Variants in ZNF704 observed in about 807,000 individuals in gnomAD.
ZNF704 encodes the protein zinc finger protein 704.
In ZNF704, 10 loss-of-function variants were observed where a neutral mutation model predicts 44.7. The observed-to-expected ratio is 0.22, with a 90% CI of 0.14 to 0.38. The LOEUF is 0.38. ZNF704 is among the 10% of genes least tolerant of loss of function. The pLI is 1.00. For missense variants in ZNF704, 390 were observed against 545.5 expected (o/e 0.71, Z 2.84); for synonymous variants, 211 against 207.6 (o/e 1.02, Z -0.14).
chr8:80,818,024 CAGG>C (rs1808204832), intron 2 of ZNF704, among the ~76,000 whole-genome samples: 1 of 152,106 alleles, frequency 6.6e-6, no homozygotes, highest in African/African-American at 2.4e-5. Flanking sequence ...TGAATGGAGG[CAGG>C]AGATCTGAAA....
At chr8:80,755,831 T>G (rs1018812461) in intron 2 of ZNF704, among the ~76,000 whole-genome samples, 2 of 151,962 alleles carry the variant, frequency 1.3e-5, no homozygotes, top group Non-Finnish European at 2.9e-5. Flanking sequence ...GAAGGCCAGC[T>G]GCAGTGGCTC....
At chr8:80,762,489 A>C (rs1452969206) in intron 2 of ZNF704, among the ~76,000 whole-genome samples, 3 of 152,166 alleles carry the variant, frequency 2.0e-5, no homozygotes, top group Non-Finnish European at 2.9e-5. Context: ...ATCAGATCTC[A>C]TGAGAACCCA....
At chr8:80,763,065 A>G (rs1408536514) in intron 2 of ZNF704, among the ~76,000 whole-genome samples, 1 of 152,226 alleles carries the variant, frequency 6.6e-6, no homozygotes, top group African/African-American at 2.4e-5. Context: ...GTGGCTTTGC[A>G]GGGTACAACC....
chr8:80,752,377 T>A (rs1433923962), intron 2 of ZNF704, among the ~76,000 whole-genome samples: 1 of 151,760 alleles, frequency 6.6e-6, no homozygotes, highest in African/African-American at 2.4e-5. Context: ...ACCAATACAA[T>A]GATCAAACCA....
At chr8:80,645,895 C>G (rs907920950) in intron 7 of ZNF704, among the ~76,000 whole-genome samples, 2 of 152,048 alleles carry the variant, frequency 1.3e-5, no homozygotes, top group Non-Finnish European at 2.9e-5. Context: ...TATGTTGAAA[C>G]TTACTTGCCA....
intron 2 of ZNF704, among the ~76,000 whole-genome samples, chr8:80,818,313 G>A (rs1563564186): frequency 6.6e-6 from 1 of 151,686 alleles, no homozygotes; most frequent in Non-Finnish European, 1.5e-5. Flanking sequence ...CCTGCTTTTT[G>A]GCCAAAATAT....
intron 7 of ZNF704, among the ~76,000 whole-genome samples, chr8:80,651,103 G>A (rs1817910833): frequency 6.6e-6 from 1 of 152,208 alleles, no homozygotes; most frequent in African/African-American, 2.4e-5. Flanking sequence ...ATACTTTACA[G>A]ACAAGCAAAT....
chr8:80,717,371 G>T (rs532706827), intron 2 of ZNF704, among the ~76,000 whole-genome samples: 1 of 152,340 alleles, frequency 6.6e-6, no homozygotes, highest in East Asian at 1.9e-4. Context: ...CATTCCTGAA[G>T]CTTATATTTT....
At chr8:80,661,419 T>C (rs1055331716) in intron 6 of ZNF704, among the ~76,000 whole-genome samples, 1 of 152,178 alleles carries the variant, frequency 6.6e-6, no homozygotes, top group Admixed American at 6.5e-5. Context: ...AACTACCATA[T>C]AATCCAGCAA....
chr8:80,809,420 G>C (rs1397490480), intron 2 of ZNF704, among the ~76,000 whole-genome samples: 1 of 152,168 alleles, frequency 6.6e-6, no homozygotes, highest in African/African-American at 2.4e-5. Flanking sequence ...TTAGAAAAGG[G>C]CAGCAACGTT....
At chr8:80,727,807 C>T (rs540108415) in intron 2 of ZNF704, among the ~76,000 whole-genome samples, 4 of 152,234 alleles carry the variant, frequency 2.6e-5, no homozygotes, top group South Asian at 2.1e-4. Context: ...AAATTAGCAT[C>T]GGTATTTCTA....
chr8:80,837,984 C>T (rs1248635216), intron 1 of ZNF704, among the ~76,000 whole-genome samples: 2 of 152,176 alleles, frequency 1.3e-5, no homozygotes, highest in African/African-American at 2.4e-5. Context: ...CTAAACCTAT[C>T]ATACATCAAC....
At chr8:80,849,327 G>A (rs1808819716) in intron 1 of ZNF704, among the ~76,000 whole-genome samples, 2 of 152,160 alleles carry the variant, frequency 1.3e-5, no homozygotes, top group African/African-American at 2.4e-5. Flanking sequence ...GTGGTAGGTT[G>A]ACCACCAAGG....
At chr8:80,835,616 T>G (rs1163175723) in intron 1 of ZNF704, among the ~76,000 whole-genome samples, 1 of 152,206 alleles carries the variant, frequency 6.6e-6, no homozygotes, top group East Asian at 1.9e-4. Context: ...CATGTGGAGA[T>G]ATTTAATCTT....
intron 3 of ZNF704, among the ~76,000 whole-genome samples, chr8:80,692,395 T>G (rs1249027259): frequency 6.6e-6 from 1 of 152,248 alleles, no homozygotes; most frequent in African/African-American, 2.4e-5. Context: ...ATTTGTTTAC[T>G]GACACATAGT....
the ZNF704 span, among the ~76,000 whole-genome samples, chr8:80,883,743 T>C: frequency 6.6e-6 from 1 of 152,254 alleles, no homozygotes; most frequent in Non-Finnish European, 1.5e-5. Flanking sequence ...TCTATCTACC[T>C]AATTTTAAAA....
chr8:80,655,337 A>G (rs1349362694), intron 7 of ZNF704, among the ~76,000 whole-genome samples: 1 of 152,202 alleles, frequency 6.6e-6, no homozygotes, highest in Non-Finnish European at 1.5e-5. Flanking sequence ...AATTTAAAAA[A>G]AAGAACAAAA....
intron 2 of ZNF704, among the ~76,000 whole-genome samples, chr8:80,720,054 G>C (rs1483071306): frequency 6.6e-6 from 1 of 152,194 alleles, no homozygotes; most frequent in Non-Finnish European, 1.5e-5. Context: ...AAATGGCAAA[G>C]CCAGGATTTA....
intron 1 of ZNF704, among the ~76,000 whole-genome samples, chr8:80,827,460 T>C (rs1169461209): frequency 6.6e-6 from 1 of 152,174 alleles, no homozygotes; most frequent in African/African-American, 2.4e-5. Context: ...TGCTCATGGA[T>C]AGGAAGAATC....
Sources: allele counts gnomAD v4.1 joint callset (sites outside exome capture counted in the v4.1 genomes callset), GRCh38; gene constraint gnomAD v4.1.1; transcripts MANE v1.5; gene names NCBI Gene and HGNC (gene_info 2026-07-23, HGNC 2026-07-21).